CDK7: variants seen among roughly 807,000 people sequenced by gnomAD.
CDK7 encodes cyclin-dependent kinase 7.
CDK7 carries 25 observed loss-of-function variants against 49.1 expected under a neutral mutation model. The observed-to-expected ratio is 0.51, with a 90% CI of 0.37 to 0.71. CDK7 has a LOEUF of 0.71. Among genes scored for constraint, CDK7 ranks in the 30% least tolerant of loss-of-function variants. The pLI is 0.00. For missense variants in CDK7, 316 were observed against 411.7 expected (o/e 0.77, Z 2.01); for synonymous variants, 107 against 140.0 (o/e 0.76, Z 1.67).
At chr5:69,257,617 C>T (rs1750571291) in intron 5 of CDK7, among the ~76,000 whole-genome samples, 1 of 152,114 alleles carries the variant, frequency 6.6e-6, no homozygotes. Context: ...TCTTGTATCC[C>T]TGAACCAATC....
At chr5:69,243,826 GTTT>G (rs747576681) in intron 2 of CDK7, among the ~76,000 whole-genome samples, 8 of 66,392 alleles carry the variant, frequency 1.2e-4, no homozygotes, top group African/African-American at 2.7e-4. Context: ...AATGATAGTT[GTTT>G]TTTTTTTTTT....
At chr5:69,254,783 T>C in intron 4 of CDK7, 114 bp downstream of exon 4, 1 of 641,660 alleles carries the variant, frequency 1.6e-6, no homozygotes, top group Non-Finnish European at 2.8e-6. Context: ...TTGTAGAAGC[T>C]TAAAGGAAAT....
intron 10 of CDK7, among the ~76,000 whole-genome samples, chr5:69,274,112 CATTT>C (rs1409960194): frequency 6.6e-6 from 1 of 152,152 alleles, no homozygotes; most frequent in Non-Finnish European, 1.5e-5. Flanking sequence ...CTTGAGACCA[CATTT>C]AATTATCTAG....
chr5:69,234,796 G>A (rs973133218), upstream of CDK7: 1 of 623,578 alleles, frequency 1.6e-6, no homozygotes, highest in Non-Finnish European at 2.9e-6. Flanking sequence ...GACGGGTGGG[G>A]AACGCCAACC....
chr5:69,277,328 A>G lies in CDK7; in HGVS notation c.*193A>G. The G allele has an allele frequency of 2.3e-6, 1 of 433,878 alleles. No homozygotes were observed. Among genetic ancestry groups the G allele is most frequent in the South Asian group, 7.7e-5 (1 of 12,996 alleles). The allele number at this position is 433,878 out of a possible 1,614,324, so 26.9% of individuals were successfully genotyped here. Reference sequence around the variant, plus strand: ...AAATTTAATTCTGGTTTTTCTGATTAGAGTGCAAAAGTGAGAAAAGTTCAA... The same window carrying G: ...AAATTTAATTCTGGTTTTTCTGATTGGAGTGCAAAAGTGAGAAAAGTTCAA... On this transcript the variant is annotated 3_prime_UTR_variant, in exon 12 of 12. Coordinates refer to ENST00000256443, the MANE Select transcript of CDK7 (RefSeq NM_001799.4).
At chr5:69,269,431 A>G in intron 9 of CDK7, 138 bp downstream of exon 9, 3 of 536,924 alleles carry the variant, frequency 5.6e-6, no homozygotes, top group Non-Finnish European at 9.7e-6. Flanking sequence ...TTTAAATGAT[A>G]AAGTATATAA....
chr5:69,251,006 T>C (rs757889111), intron 2 of CDK7, among the ~76,000 whole-genome samples: 5 of 152,010 alleles, frequency 3.3e-5, no homozygotes, highest in Admixed American at 6.6e-5. Flanking sequence ...CATAGCTCAC[T>C]GCAGCCTCGA....
At position 69,237,958 on chromosome 5, in the gene CDK7, C is replaced by A. The variant is rs1335094049; in HGVS notation, c.126+2505C>A. Among the ~76,000 whole-genome samples the A allele has an allele frequency of 3.9e-5, 6 of 152,166 alleles. No homozygotes were observed. The South Asian group carries it at 6.2e-4, about 16-fold the overall frequency. ...CAGTTTTAGACGTTGTCTATACTTT[C>A]TACTATGAACATTGAGGATTTGGTG... On this transcript the variant is annotated intron_variant, in intron 2 of 11. Transcript: ENST00000256443.
intron 4 of CDK7, 41 bp downstream of exon 4, chr5:69,254,710 C>T: frequency 9.5e-7 from 1 of 1,052,660 alleles, no homozygotes; most frequent in Non-Finnish European, 1.5e-6. Flanking sequence ...TGGGACTCTG[C>T]CTTTTCTTAA....
intron 2 of CDK7, among the ~76,000 whole-genome samples, chr5:69,239,825 C>G (rs925024989): frequency 6.7e-6 from 1 of 150,120 alleles, no homozygotes; most frequent in African/African-American, 2.4e-5. Flanking sequence ...ATACTTAGAT[C>G]TTTATTCCAT....
intron 8 of CDK7, among the ~76,000 whole-genome samples, chr5:69,262,764 C>G (rs192693640): frequency 2.2e-4 from 34 of 151,970 alleles, no homozygotes; most frequent in African/African-American, 8.2e-4. Flanking sequence ...TTTTAAAAAG[C>G]CAAATGTAGC....
At position 69,241,381 on chromosome 5, in the gene CDK7, C is replaced by T. The variant is rs149556303; in HGVS notation, c.126+5928C>T. ...TGTCACCCAGGCTGGAGTGCAGTGG[C>T]GCAATCTCGGTTTACTGCAACCTCC... On this transcript the variant is annotated intron_variant, in intron 2 of 11. Transcript: ENST00000256443. Among the ~76,000 whole-genome samples the T allele has an allele frequency of 5.2e-5, 7 of 135,496 alleles. No individual in the cohort carries two copies. In the East Asian group the frequency reaches 6.9e-4, roughly 13 times the overall value. The allele number at this position is 135,496 out of a possible 152,430, so 88.9% of individuals were successfully genotyped here.
intron 4 of CDK7, 59 bp downstream of exon 4, chr5:69,254,728 G>GA (rs1750376434): frequency 3.4e-6 from 3 of 894,908 alleles, no homozygotes; most frequent in Non-Finnish European, 5.6e-6. Flanking sequence ...TAATATAATG[G>GA]ATGTTGATTA....
At chr5:69,244,967 A>G (rs1749639673) in intron 2 of CDK7, among the ~76,000 whole-genome samples, 1 of 152,156 alleles carries the variant, frequency 6.6e-6, no homozygotes, top group South Asian at 2.1e-4. Flanking sequence ...TCATTTGTTG[A>G]TATTACATAT....
intron 2 of CDK7, among the ~76,000 whole-genome samples, chr5:69,246,451 G>A (rs1254930364): frequency 1.3e-5 from 2 of 152,040 alleles, no homozygotes; most frequent in Non-Finnish European, 2.9e-5. Context: ...TTATTAAAAA[G>A]CTCTAGAAGA....
At chr5:69,254,379 G>A (rs940114181) in intron 3 of CDK7, among the ~76,000 whole-genome samples, 3 of 151,806 alleles carry the variant, frequency 2.0e-5, no homozygotes, top group Admixed American at 6.6e-5. Context: ...AAAATTAGCC[G>A]GGCGTGGTGG....
At chr5:69,277,041 C>G in intron 11 of CDK7, 66 bp from the exon 12 acceptor site, 5 of 1,363,440 alleles carry the variant, frequency 3.7e-6, no homozygotes, top group Non-Finnish European at 5.1e-6. Flanking sequence ...GTTAAAATTG[C>G]TATGAGAATG....
chr5:69,261,374 A>G (rs1277241917), intron 7 of CDK7, among the ~76,000 whole-genome samples: 2 of 152,188 alleles, frequency 1.3e-5, no homozygotes, highest in African/African-American at 2.4e-5. Context: ...AAATCAAATT[A>G]AGATGAAGAC....
At chr5:69,255,680 T>A (rs2291519) in intron 5 of CDK7, 152 bp downstream of exon 5, 10 of 699,684 alleles carry the variant, frequency 1.4e-5, no homozygotes, top group Admixed American at 1.3e-4. Context: ...AAAGGATCTC[T>A]AGTTATTTTC....
Sources: allele counts gnomAD v4.1 joint callset (sites outside exome capture counted in the v4.1 genomes callset), GRCh38; gene constraint gnomAD v4.1.1; transcripts MANE v1.5; gene names NCBI Gene and HGNC (gene_info 2026-07-23, HGNC 2026-07-21).